The following NEGR1 variants were observed in gnomAD, a reference collection of about 807,000 sequenced individuals.
The protein encoded by NEGR1 is IgLON family member 4.
NEGR1 carries 10 observed loss-of-function variants against 40.9 expected under a neutral mutation model. The ratio of observed to expected loss-of-function variants is 0.24; its 90% CI spans 0.15 to 0.42. The LOEUF (loss-of-function observed/expected upper bound fraction) is 0.42, where lower values mean the gene tolerates loss of function less well. Ranked by LOEUF, NEGR1 falls within the 10% of genes least tolerant of loss-of-function variation. The pLI, the probability that NEGR1 is intolerant of heterozygous loss-of-function variation, is 1.00. For missense variants in NEGR1, 352 were observed against 438.9 expected, an observed-to-expected ratio of 0.80 and a Z score of 1.77; for synonymous variants, 185 against 166.8, an observed-to-expected ratio of 1.11 and a Z score of -0.84.
intron 2 of NEGR1, among the ~76,000 whole-genome samples, chr1:71,790,814 T>A (rs1657089015): frequency 6.6e-6 from 1 of 152,034 alleles, no homozygotes; most frequent in South Asian, 2.1e-4. Flanking sequence ...TCTTTGAGTA[T>A]TTGCTGCACT....
chr1:71,465,224 G>C (rs552388680), intron 6 of NEGR1, among the ~76,000 whole-genome samples: 2 of 152,242 alleles, frequency 1.3e-5, no homozygotes, highest in East Asian at 3.9e-4. Flanking sequence ...AGCAGAGTCA[G>C]GTATTTATTG....
intron 1 of NEGR1, among the ~76,000 whole-genome samples, chr1:72,147,261 C>A (rs1650944827): frequency 6.6e-6 from 1 of 152,128 alleles, no homozygotes; most frequent in South Asian, 2.1e-4. Context: ...ACTTACAGTT[C>A]CACATGGCTG....
intron 4 of NEGR1, among the ~76,000 whole-genome samples, chr1:71,690,623 G>C (rs1452725796): frequency 1.6e-4 from 8 of 49,700 alleles, no homozygotes; most frequent in South Asian, 5.8e-4. Context: ...GGGAGACAGA[G>C]AGAGAGAGAG....
chr1:72,198,906 T>C (rs1653098575), intron 1 of NEGR1, among the ~76,000 whole-genome samples: 1 of 152,014 alleles, frequency 6.6e-6, no homozygotes, highest in African/African-American at 2.4e-5. Flanking sequence ...GATTGTGATA[T>C]TTTGTTCTAT....
At chr1:71,815,009 T>C (rs897696929) in intron 2 of NEGR1, among the ~76,000 whole-genome samples, 1 of 152,112 alleles carries the variant, frequency 6.6e-6, no homozygotes, top group African/African-American at 2.4e-5. Context: ...GGGTGTCAGT[T>C]TGAGATCTTT....
In NEGR1 at chr1:71,711,470, G is replaced by T. The variant is rs147360985; in HGVS notation, c.536-13331C>A. 4.1e-3 allele frequency among the ~76,000 whole-genome samples: 451 copies of T among 109,160 alleles called. 2 individuals carry two copies. Among genetic ancestry groups the T allele is most frequent in the Non-Finnish European group, 5.9e-3 (328 of 55,602 alleles). 71.6% of individuals were successfully genotyped at this position (109,160 alleles called of 152,430 possible). A position where few individuals can be genotyped will look rare whatever the true frequency, so the allele number is the denominator to read the frequency against. On this transcript the variant is annotated intron_variant, in intron 3 of 6. Transcript: ENST00000357731. ...AGGAAGACATTCCACTATTAGAATG[G>T]CTAAAATTTACAAAAAAAAAAAAAA...
At chr1:71,451,247 GT>G (rs1236726003) in intron 6 of NEGR1, among the ~76,000 whole-genome samples, 1 of 151,668 alleles carries the variant, frequency 6.6e-6, no homozygotes, top group African/African-American at 2.4e-5. Context: ...AAGTTCTGAG[GT>G]TTTTTTACTT....
chr1:71,670,577 A>G (rs1652387106), intron 4 of NEGR1, among the ~76,000 whole-genome samples: 1 of 151,044 alleles, frequency 6.6e-6, no homozygotes, highest in Non-Finnish European at 1.5e-5. Flanking sequence ...TTTTTTTGAG[A>G]TGGGGGTCTC....
chr1:71,660,899 G>T (rs1172299943), intron 4 of NEGR1, among the ~76,000 whole-genome samples: 1 of 152,056 alleles, frequency 6.6e-6, no homozygotes, highest in South Asian at 2.1e-4. Context: ...CCCTCTCTGT[G>T]CCCATATGAT....
chr1:72,235,500 C>G (rs1432862395), intron 1 of NEGR1, among the ~76,000 whole-genome samples: 1 of 151,850 alleles, frequency 6.6e-6, no homozygotes, highest in East Asian at 1.9e-4. Context: ...TTAAATCATA[C>G]TTGTAAAAGT....
chr1:71,752,167 A>G (rs1175151828), intron 3 of NEGR1, among the ~76,000 whole-genome samples: 1 of 152,216 alleles, frequency 6.6e-6, no homozygotes, highest in Non-Finnish European at 1.5e-5. Context: ...AGTTCTTTAA[A>G]TAAGAGATGG....
intron 1 of NEGR1, among the ~76,000 whole-genome samples, chr1:72,057,484 G>A (rs1569890487): frequency 6.6e-6 from 1 of 151,414 alleles, no homozygotes; most frequent in East Asian, 2.0e-4. Context: ...TTTATAGTTT[G>A]CCAGAAAATA....
chr1:71,788,813 T>C (rs1570348259), intron 2 of NEGR1, among the ~76,000 whole-genome samples: 1 of 152,154 alleles, frequency 6.6e-6, no homozygotes, highest in East Asian at 1.9e-4. Flanking sequence ...TATATATTAT[T>C]CATTTGGTTA....
At chr1:71,624,392 G>T (rs6696052) in intron 4 of NEGR1, among the ~76,000 whole-genome samples, 1 of 151,604 alleles carries the variant, frequency 6.6e-6, no homozygotes, top group African/African-American at 2.4e-5. Flanking sequence ...TCAGCACAGT[G>T]GCCATAGTGT....
chr1:72,157,623 T>G (rs1212057592), intron 1 of NEGR1, among the ~76,000 whole-genome samples: 1 of 152,152 alleles, frequency 6.6e-6, no homozygotes, highest in Non-Finnish European at 1.5e-5. Flanking sequence ...CTCTTAAATC[T>G]GAGCCAGGCT....
intron 1 of NEGR1, among the ~76,000 whole-genome samples, chr1:72,249,011 T>G (rs1654999365): frequency 6.6e-6 from 1 of 152,252 alleles, no homozygotes; most frequent in African/African-American, 2.4e-5. Flanking sequence ...GACATATTGC[T>G]AGGGTCTTAA....
chr1:71,456,735 A>G (rs1557532462), intron 6 of NEGR1, among the ~76,000 whole-genome samples: 2 of 152,250 alleles, frequency 1.3e-5, no homozygotes, highest in South Asian at 2.1e-4. Context: ...ATAAATCAGT[A>G]CAATTAGCAC....
At chr1:71,563,850 TC>T (rs1341586651) in intron 6 of NEGR1, among the ~76,000 whole-genome samples, 1 of 151,850 alleles carries the variant, frequency 6.6e-6, no homozygotes, top group African/African-American at 2.4e-5. Context: ...GGGGAACTTG[TC>T]CTAGCAGGTT....
chr1:72,170,720 T>A (rs964800826), intron 1 of NEGR1, among the ~76,000 whole-genome samples: 2 of 152,218 alleles, frequency 1.3e-5, no homozygotes, highest in East Asian at 1.9e-4. Flanking sequence ...ACTGTAGATA[T>A]CAGAGGCTAA....
Sources: allele counts gnomAD v4.1 joint callset (sites outside exome capture counted in the v4.1 genomes callset), GRCh38; gene constraint gnomAD v4.1.1; transcripts MANE v1.5; gene names NCBI Gene and HGNC (gene_info 2026-07-23, HGNC 2026-07-21).